The following RORA variants were observed in gnomAD, a reference collection of about 807,000 sequenced individuals.
RORA encodes the protein nuclear receptor ROR-alpha.
A neutral mutation model predicts 69.5 loss-of-function variants in RORA; 7 were observed. That is an observed-to-expected ratio of 0.10 (90% CI 0.06 to 0.19). The LOEUF (loss-of-function observed/expected upper bound fraction) is 0.19, where lower values mean the gene tolerates loss of function less well. RORA is among the 10% of genes least tolerant of loss of function. The pLI, the probability that RORA is intolerant of heterozygous loss-of-function variation, is 1.00. For synonymous variants in RORA, 261 were observed against 240.8 expected (o/e 1.08, Z -0.78); for missense variants, 457 against 663.0 (o/e 0.69, Z 3.41).
chr15:61,157,878 A>T (rs1180558770), intron 1 of RORA, among the ~76,000 whole-genome samples: 2 of 152,162 alleles, frequency 1.3e-5, no homozygotes, highest in African/African-American at 4.8e-5. Context: ...CATCCCTCAG[A>T]CCCAGATTAG....
At chr15:60,781,689 G>T (rs562034563) in intron 1 of RORA, among the ~76,000 whole-genome samples, 3 of 152,188 alleles carry the variant, frequency 2.0e-5, no homozygotes, top group South Asian at 2.1e-4. Context: ...TCCCTGGGGT[G>T]GGGGGTAGGG....
At chr15:60,658,466 G>A (rs1394357043) in intron 2 of RORA, among the ~76,000 whole-genome samples, 1 of 152,192 alleles carries the variant, frequency 6.6e-6, no homozygotes, top group Non-Finnish European at 1.5e-5. Context: ...TGATGGACAA[G>A]AGAATCCAGA....
intron 1 of RORA, among the ~76,000 whole-genome samples, chr15:61,066,539 G>A (rs1291234533): frequency 6.8e-6 from 1 of 146,474 alleles, no homozygotes; most frequent in Non-Finnish European, 1.5e-5. Flanking sequence ...CAATTCTCCT[G>A]CCTCAGCTTC....
intron 1 of RORA, among the ~76,000 whole-genome samples, chr15:61,186,321 G>C (rs910633886): frequency 6.6e-6 from 1 of 152,086 alleles, no homozygotes; most frequent in Non-Finnish European, 1.5e-5. Flanking sequence ...ATGTGCATCA[G>C]AACCACCTGA....
chr15:60,972,996 G>GAAA (rs34309313), intron 1 of RORA, among the ~76,000 whole-genome samples: 2,441 of 144,906 alleles, frequency 0.017, 85 homozygotes, highest in African/African-American at 0.06. Flanking sequence ...GCATTTGGGA[G>GAAA]AAAAAAAAAA....
chr15:61,072,311 A>G (rs903872311), intron 1 of RORA, among the ~76,000 whole-genome samples: 1 of 152,178 alleles, frequency 6.6e-6, no homozygotes, highest in African/African-American at 2.4e-5. Context: ...ATGAGCCCAT[A>G]AGTACATGAT....
At chr15:60,596,580 A>G (rs1047840673) in intron 2 of RORA, among the ~76,000 whole-genome samples, 1 of 152,112 alleles carries the variant, frequency 6.6e-6, no homozygotes, top group African/African-American at 2.4e-5. Context: ...CCTAGAAGAG[A>G]TCACAGCCTT....
chr15:60,556,759 C>G (rs960456549), intron 2 of RORA: 1 of 892,178 alleles, frequency 1.1e-6, no homozygotes, highest in African/African-American at 1.7e-5. Flanking sequence ...TCTGGTTCTG[C>G]GGGAGGCTCC....
chr15:60,910,680 G>C (rs940056918), intron 1 of RORA, among the ~76,000 whole-genome samples: 1 of 152,138 alleles, frequency 6.6e-6, no homozygotes, highest in Admixed American at 6.5e-5. Flanking sequence ...TACAAACCCA[G>C]ATTGGCTAGT....
At chr15:60,515,322 T>C (rs997638739) in intron 3 of RORA, among the ~76,000 whole-genome samples, 5 of 152,174 alleles carry the variant, frequency 3.3e-5, no homozygotes, top group Non-Finnish European at 5.9e-5. Context: ...AGGGATTATT[T>C]TGGCAGATCA....
chr15:60,560,467 G>A (rs2067499736), intron 2 of RORA, among the ~76,000 whole-genome samples: 2 of 152,204 alleles, frequency 1.3e-5, no homozygotes, highest in African/African-American at 2.4e-5. Context: ...GCCAAGGTGA[G>A]AGGATCACTT....
intron 1 of RORA, among the ~76,000 whole-genome samples, chr15:60,937,726 T>TA (rs1361827926): frequency 1.3e-5 from 2 of 152,138 alleles, no homozygotes; most frequent in Non-Finnish European, 1.5e-5. Flanking sequence ...CAACTACTGT[T>TA]ACAGTTTGTG....
At chr15:61,016,934 G>A (rs769114521) in intron 1 of RORA, among the ~76,000 whole-genome samples, 13 of 152,114 alleles carry the variant, frequency 8.5e-5, no homozygotes, top group South Asian at 6.2e-4. Context: ...AGCCGAAGAC[G>A]TATGAATGAA....
intron 1 of RORA, among the ~76,000 whole-genome samples, chr15:61,221,561 G>T (rs1596082594): frequency 6.6e-6 from 1 of 152,104 alleles, no homozygotes; most frequent in Admixed American, 6.6e-5. Flanking sequence ...CTTATCACGT[G>T]TACAATCCCA....
intron 1 of RORA, among the ~76,000 whole-genome samples, chr15:60,698,113 C>T (rs1192760781): frequency 2.0e-5 from 3 of 152,206 alleles, no homozygotes; most frequent in Non-Finnish European, 4.4e-5. Flanking sequence ...TATCAAGTCT[C>T]AGTTTCAAGT....
chr15:61,191,450 A>G (rs1312199194), intron 1 of RORA, among the ~76,000 whole-genome samples: 1 of 152,032 alleles, frequency 6.6e-6, no homozygotes, highest in African/African-American at 2.4e-5. Context: ...GGAAGATGAC[A>G]CCACCACACA....
intron 2 of RORA, among the ~76,000 whole-genome samples, chr15:60,585,245 G>A (rs1411850959): frequency 6.6e-6 from 1 of 152,092 alleles, no homozygotes; most frequent in Non-Finnish European, 1.5e-5. Context: ...TTTCACACTT[G>A]TTATAACACC....
chr15:61,107,155 G>A (rs2078959357), intron 1 of RORA, among the ~76,000 whole-genome samples: 1 of 152,134 alleles, frequency 6.6e-6, no homozygotes, highest in South Asian at 2.1e-4. Flanking sequence ...AATCACCCGT[G>A]CTCTGCTTGT....
intron 1 of RORA, among the ~76,000 whole-genome samples, chr15:60,766,196 C>T (rs1299422395): frequency 6.6e-6 from 1 of 152,080 alleles, no homozygotes; most frequent in East Asian, 1.9e-4. Flanking sequence ...TTCTCTCCTT[C>T]CTTGTTATAT....
Sources: allele counts gnomAD v4.1 joint callset (sites outside exome capture counted in the v4.1 genomes callset), GRCh38; gene constraint gnomAD v4.1.1; transcripts MANE v1.5; gene names NCBI Gene and HGNC (gene_info 2026-07-23, HGNC 2026-07-21).